The following KIFC2 variants were observed in gnomAD, a reference collection of about 807,000 sequenced individuals.
The protein encoded by KIFC2 is kinesin-like protein KIFC2.
A neutral mutation model predicts 91.5 loss-of-function variants in KIFC2; 94 were observed. The ratio of observed to expected loss-of-function variants is 1.03; its 90% CI spans 0.87 to 1.22. The LOEUF (loss-of-function observed/expected upper bound fraction) is 1.22, where lower values mean the gene tolerates loss of function less well. KIFC2 is among the 50% of genes most tolerant of loss of function. The probability of loss-of-function intolerance (pLI) is 0.00; values close to 1 mark genes in which losing one functional copy is unlikely to be tolerated. For missense variants in KIFC2, 1,357 were observed against 1,103.3 expected (o/e 1.23, Z -3.26); for synonymous variants, 729 against 503.9 (o/e 1.45, Z -5.98).
At position 144,466,725 on chromosome 8, in the gene KIFC2, C is replaced by T. The variant is rs569873446; in HGVS notation, c.100-35C>T. 3.2e-4 allele frequency: 477 copies of T among 1,478,356 alleles called. 3 individuals carry two copies. The African/African-American group carries it at 5.7e-3, about 18-fold the overall frequency. 91.6% of individuals were successfully genotyped at this position (1,478,356 alleles called of 1,614,324 possible). On this transcript the variant is annotated intron_variant, in intron 1 of 17. Transcript: ENST00000645548. ...GGGAAGGGGCCAGCAGGCTGCCTGC[C>T]CCCCTCCTCAGGGGCGCCCCTGCCC...
Position 144,468,421 on chromosome 8 carries a change from C to T in KIFC2, c.888+15C>T, listed in dbSNP as rs2129989235. ...TCCGAGCCCAGGTGGGCATGGGGCC[C>T]AGGGATCCATGGCTCAGGGGTGAGG... is the stretch of plus-strand genomic sequence containing the variant. On this transcript the variant is annotated intron_variant, in intron 8 of 17. Transcript: ENST00000645548. 4.3e-6 allele frequency: 7 copies of T among 1,610,100 alleles called. No homozygotes were observed. Among genetic ancestry groups the T allele is most frequent in the Non-Finnish European group, 4.2e-6 (5 of 1,179,128 alleles).
chr8:144,471,874 C>G, intron 12 of KIFC2, 68 bp from the exon 13 acceptor site: 1 of 1,432,574 alleles, frequency 7.0e-7, no homozygotes, highest in Non-Finnish European at 9.8e-7. Context: ...GCACTCCCCA[C>G]CCCACCAAAT....
chr8:144,472,860 C>A lies in KIFC2; in HGVS notation c.1927C>A (p.Pro643Thr). ...ACGGAAGGCAGGGGCGGCCGGCCCG[C>A]CGCGGGGAGACCCAGACGGCGCCCG... ...RARKAGAAGP[P>T]RGDPDGARRL... The change falls in exon 17 of 18, where the codon CCG becomes ACG. Residue 643 changes from proline (P) to threonine (T), a missense_variant. Transcript: ENST00000645548. 2 of 1,543,904 alleles carry A rather than the reference C, an allele frequency of 1.3e-6. No individual in the cohort carries two copies. Among genetic ancestry groups the A allele is most frequent in the Non-Finnish European group, 1.7e-6 (2 of 1,158,224 alleles).
chr8:144,466,271 T>A (rs1000703202), upstream of KIFC2: 1 of 209,882 alleles, frequency 4.8e-6, no homozygotes, highest in African/African-American at 2.4e-5. Context: ...AGTACCCCCG[T>A]CCCCGCGCTC....
At chr8:144,469,131 C>A in intron 10 of KIFC2, 140 bp from the exon 11 acceptor site, 1 of 717,176 alleles carries the variant, frequency 1.4e-6, no homozygotes. Flanking sequence ...TCCCCAGGGG[C>A]CCAGAGCCAC....
Position 144,473,142 on chromosome 8 carries a change from G to A in KIFC2, c.2129G>A (p.Arg710Gln). Residue 710 changes from arginine (R) to glutamine (Q), a missense_variant, in exon 18 of 18, where the codon CGG (arginine) becomes CAG (glutamine). Arg to Gln is a conservative substitution (Grantham distance 43). Transcript: ENST00000645548. ...GCCTCTTGCCCGCAGATCTCCACGC[G>A]GCCGGAGGATCTCGGGGAGACAGTC... ...TAVLLLQISTRPEDLGETVCS... is the reference protein window; with the variant it reads ...TAVLLLQISTQPEDLGETVCS... 1 of 1,560,334 alleles carries A rather than the reference G, an allele frequency of 6.4e-7. No homozygotes were observed. The highest frequency in any genetic ancestry group is 8.7e-7 in the Non-Finnish European group (1 of 1,153,130).
In KIFC2 at chr8:144,473,021, C is replaced by A; in HGVS notation, c.2088C>A (p.Gly696=). ...CGCGACTGCTGCAGCCGGCGCTGGGCCCAGGCACCACCGCGGTGCTGCTGC... is the reference window on the plus strand; with the variant it reads ...CGCGACTGCTGCAGCCGGCGCTGGGACCAGGCACCACCGCGGTGCTGCTGC... ...QLTRLLQPAL[G]PGTTAVLLLQ... is the part of the protein sequence containing the mutation. The change falls in exon 17 of 18, where the codon GGC becomes GGA. Residue 696 remains glycine, a synonymous_variant. Transcript: ENST00000645548. 7.0e-7 allele frequency: 1 copy of A among 1,418,732 alleles called. No homozygotes were observed. 87.9% of individuals were successfully genotyped at this position (1,418,732 alleles called of 1,614,324 possible). A position where few individuals can be genotyped will look rare whatever the true frequency, so the allele number is the denominator to read the frequency against.
chr8:144,472,904 G>A lies in KIFC2; in HGVS notation c.1971G>A (p.Gln657=), dbSNP rs766014611. 63 of 1,508,982 alleles carry A rather than the reference G, an allele frequency of 4.2e-5. No homozygotes were observed. In the Middle Eastern group the frequency reaches 1.7e-3, roughly 41 times the overall value. The allele number at this position is 1,508,982 out of a possible 1,614,324, so 93.5% of individuals were successfully genotyped here. ...PDGARRLREA[Q]TINRSLLALG... is the part of the protein sequence containing the mutation. Reference sequence around the variant, plus strand: ...GCGCCCGGCGCCTGCGGGAGGCCCAGACCATAAACCGCTCGCTGCTGGCGC... The same window carrying A: ...GCGCCCGGCGCCTGCGGGAGGCCCAAACCATAAACCGCTCGCTGCTGGCGC... Residue 657 remains glutamine (Q), a synonymous_variant, in exon 17 of 18, where the codon CAG becomes CAA. Transcript: ENST00000645548.
intron 12 of KIFC2, 110 bp downstream of exon 12, chr8:144,469,757 G>A (rs1824853174): frequency 3.7e-6 from 5 of 1,368,584 alleles, no homozygotes; most frequent in Middle Eastern, 1.9e-4. Context: ...GAGGAGAGAG[G>A]GTGGCTGGGC....
rs1825037635 is a variant in KIFC2, at chr8:144,473,668, C to T, written c.*279C>T. ...GTTATCACGGCACACAGCAGGGAATCCCAGGCCCCCCCGCCAAGTGGTTAC... is the reference window on the plus strand; with the variant it reads ...GTTATCACGGCACACAGCAGGGAATTCCAGGCCCCCCCGCCAAGTGGTTAC... On this transcript the variant is annotated 3_prime_UTR_variant, in exon 18 of 18. Transcript: ENST00000645548. 2.0e-6 allele frequency: 1 copy of T among 494,460 alleles called. No individual in the cohort carries two copies. Among genetic ancestry groups the T allele is most frequent in the South Asian group, 4.0e-5 (1 of 25,230 alleles). 30.6% of individuals were successfully genotyped at this position (494,460 alleles called of 1,614,324 possible). A position where few individuals can be genotyped will look rare whatever the true frequency, so the allele number is the denominator to read the frequency against.
chr8:144,466,883 AC>A, intron 2 of KIFC2, 45 bp downstream of exon 2: 1 of 1,540,316 alleles, frequency 6.5e-7, no homozygotes, highest in Non-Finnish European at 8.7e-7. Context: ...CGGTGCCGGG[AC>A]CTCCCAGGGA....
chr8:144,468,235 G>GCTCTGCCCAC, intron 7 of KIFC2, 94 bp from the exon 8 acceptor site: 2 of 1,213,318 alleles, frequency 1.6e-6, no homozygotes, highest in Middle Eastern at 1.9e-4. Flanking sequence ...TTCACAGCCA[G>GCTCTGCCCAC]CTCTGCCCAC....
At position 144,466,945 on chromosome 8, in the gene KIFC2, T is replaced by C; in HGVS notation, c.179-14T>C. The C allele has an allele frequency of 1.3e-6, 2 of 1,588,024 alleles. No individual in the cohort carries two copies. The highest frequency in any genetic ancestry group is 8.5e-7 in the Non-Finnish European group (1 of 1,174,654). On this transcript the variant is annotated splice_polypyrimidine_tract_variant and intron_variant, in intron 2 of 17. Coordinates refer to ENST00000645548, the MANE Select transcript of KIFC2 (RefSeq NM_001369769.2). Reference sequence around the variant, plus strand: ...TGACCCGAAATGTCTCCCGCCCTCCTCCCTGACCGGCAGCCAGCTCCGAGC... The same window carrying C: ...TGACCCGAAATGTCTCCCGCCCTCCCCCCTGACCGGCAGCCAGCTCCGAGC...
At position 144,472,484 on chromosome 8, in the gene KIFC2, G is replaced by C; in HGVS notation, c.1731G>C (p.Gln577His). The change falls in exon 15 of 18, where the codon CAG (glutamine) becomes CAC (histidine). Residue 577 changes from glutamine (Q) to histidine (H), a missense_variant and splice_region_variant. Gln to His is a conservative substitution (Grantham distance 24, BLOSUM62 0). Transcript: ENST00000645548. ...WDVPNLETLHQMLKLGRSNRA... is the reference protein window; with the variant it reads ...WDVPNLETLHHMLKLGRSNRA... ...TGCCCAACCTGGAGACATTGCACCA[G>C]GTAGGGCTGCACCGCTCTCCGAGAC... The C allele has an allele frequency of 1.2e-6, 2 of 1,611,820 alleles. No homozygotes were observed. The highest frequency in any genetic ancestry group is 1.7e-6 in the Non-Finnish European group (2 of 1,179,434).
Position 144,467,638 on chromosome 8 carries a change from C to A in KIFC2, c.615+8C>A. The A allele has an allele frequency of 6.2e-7, 1 of 1,600,588 alleles. No individual in the cohort carries two copies. Among genetic ancestry groups the A allele is most frequent in the Non-Finnish European group, 8.5e-7 (1 of 1,172,454 alleles). ...CAGCTCATCCTGGGACAGGTGAGGT[C>A]CCTGGAGCCAGAAGGGATTGCCGGC... On this transcript the variant is annotated splice_region_variant and intron_variant, in intron 5 of 17. Transcript: ENST00000645548.
chr8:144,469,581 C>T lies in KIFC2; in HGVS notation c.1314C>T (p.Cys438=). 6.2e-7 allele frequency: 1 copy of T among 1,613,130 alleles called. No homozygotes were observed. Among genetic ancestry groups the T allele is most frequent in the South Asian group, 1.1e-5 (1 of 91,060 alleles). The change falls in exon 12 of 18, where the codon TGC becomes TGT. Residue 438 remains cysteine, a synonymous_variant. Coordinates refer to ENST00000645548, the MANE Select transcript of KIFC2 (RefSeq NM_001369769.2). The part of the protein sequence containing the change: ...EPGPGGTVTT[C]YRGRHRRFRL... ...GCCCAGGGGGCACCGTCACCACCTG[C>T]TACCGGGGGCGCCATCGTCGATTCC... is the stretch of plus-strand genomic sequence containing the variant.
At position 144,473,123 on chromosome 8, in the gene KIFC2, T is replaced by C; in HGVS notation, c.2119-9T>C. The C allele has an allele frequency of 2.6e-6, 4 of 1,553,266 alleles. No individual in the cohort carries two copies. Among genetic ancestry groups the C allele is most frequent in the Non-Finnish European group, 3.5e-6 (4 of 1,149,552 alleles). On this transcript the variant is annotated splice_polypyrimidine_tract_variant and intron_variant, in intron 17 of 17. Transcript: ENST00000645548. ...CCCGGGCCCGCCCACCCGCGCCTCT[T>C]GCCCGCAGATCTCCACGCGGCCGGA...
Position 144,466,380 on chromosome 8 carries a change from GGGCGGCGCGAAGCGGGGCCCTCT to G in KIFC2, c.-38_-16del, listed in dbSNP as rs1824635762. 1.1e-6 allele frequency: 1 copy of G among 913,846 alleles called. No individual in the cohort carries two copies. The highest frequency in any genetic ancestry group is 4.5e-5 in the Admixed American group (1 of 22,418). 56.6% of individuals were successfully genotyped at this position (913,846 alleles called of 1,614,324 possible). On this transcript the variant is annotated 5_prime_UTR_variant, in exon 1 of 18. Transcript: ENST00000645548. Reference sequence around the variant, plus strand: ...CGCCGAGTCTGGGCGCGGGGACGCGGGGCGGCGCGAAGCGGGGCCCTCTGCCGCCCCGCGCTCCCATGTACGCC... The same window carrying G: ...CGCCGAGTCTGGGCGCGGGGACGCGGGCCGCCCCGCGCTCCCATGTACGCC...
Position 144,466,777 on chromosome 8 carries a change from G to C in KIFC2, c.117G>C (p.Arg39=), listed in dbSNP as rs779410102. 262 of 1,532,808 alleles carry C rather than the reference G, an allele frequency of 1.7e-4. No homozygotes were observed. Among genetic ancestry groups the C allele is most frequent in the Non-Finnish European group, 2.2e-4 (258 of 1,146,766 alleles). 95.0% of individuals were successfully genotyped at this position (1,532,808 alleles called of 1,614,324 possible). The part of the protein sequence containing the change: ...GDPAQRARKP[R]GRRRPDLPAP... ...CTCCCTAGAGAGCCCGCAAGCCCCG[G>C]GGTCGCCGGCGCCCAGACCTGCCCG... The change falls in exon 2 of 18, where the codon CGG becomes CGC. Residue 39 remains arginine, a synonymous_variant. Coordinates refer to ENST00000645548, the MANE Select transcript of KIFC2 (RefSeq NM_001369769.2).
Sources: gnomAD v4.1 joint callset for allele counts on GRCh38, gnomAD v4.1.1 for gene constraint, MANE v1.5 for transcripts, NCBI Gene and HGNC (gene_info 2026-07-23, HGNC 2026-07-21) for gene names.